Variants in DENND5B observed in about 807,000 individuals in gnomAD.
DENND5B encodes the protein DENN domain containing 5B.
In DENND5B, 34 loss-of-function variants were observed where a neutral mutation model predicts 140.6. That is an observed-to-expected ratio of 0.24 (90% CI 0.18 to 0.32). DENND5B has a LOEUF of 0.32. Among genes scored for constraint, DENND5B ranks in the 10% least tolerant of loss-of-function variants. The probability of loss-of-function intolerance (pLI) is 1.00; values close to 1 mark genes in which losing one functional copy is unlikely to be tolerated. For synonymous variants in DENND5B, 551 were observed against 562.1 expected, an observed-to-expected ratio of 0.98 and a Z score of 0.28; for missense variants, 1,142 against 1,560.2, an observed-to-expected ratio of 0.73 and a Z score of 4.52.
chr12:31,474,923 G>A (rs369587655), intron 3 of DENND5B, among the ~76,000 whole-genome samples: 83 of 152,252 alleles, frequency 5.5e-4, no homozygotes, highest in Admixed American at 1.5e-3. Context: ...CACAGAATGA[G>A]TTAATCATTT....
At chr12:31,550,359 C>T (rs931001773) in intron 1 of DENND5B, among the ~76,000 whole-genome samples, 2 of 151,502 alleles carry the variant, frequency 1.3e-5, no homozygotes, top group African/African-American at 4.9e-5. Context: ...ACGATGGTTT[C>T]CAGTTTCATC....
At chr12:31,582,731 G>A (rs78334165) in intron 1 of DENND5B, among the ~76,000 whole-genome samples, 2,563 of 152,208 alleles carry the variant, frequency 0.017, 73 homozygotes, top group African/African-American at 0.058. Flanking sequence ...CGATAGTGTC[G>A]CCTTTAATAT....
intron 1 of DENND5B, among the ~76,000 whole-genome samples, chr12:31,561,996 T>C (rs16918740): frequency 0.35 from 53,822 of 152,096 alleles, 11,010 homozygotes; most frequent in East Asian, 0.57. Flanking sequence ...TATAAATAAA[T>C]AACAGGTTAC....
At chr12:31,401,579 T>C (rs1941798651) in intron 15 of DENND5B, among the ~76,000 whole-genome samples, 1 of 152,166 alleles carries the variant, frequency 6.6e-6, no homozygotes, top group African/African-American at 2.4e-5. Flanking sequence ...CCCATGGAAC[T>C]ATTTCACCAA....
chr12:31,539,711 G>A (rs766218783), intron 1 of DENND5B, among the ~76,000 whole-genome samples: 36 of 151,832 alleles, frequency 2.4e-4, no homozygotes, highest in Non-Finnish European at 4.3e-4. Context: ...AAAAAAACTT[G>A]GTATAGAAGA....
rs191632499 is a variant in DENND5B at position 31,515,703 on chromosome 12, T to C, written c.128-19784A>G. 5.5e-3 allele frequency among the ~76,000 whole-genome samples: 838 copies of C among 152,320 alleles called. 4 individuals carry two copies. The highest frequency in any genetic ancestry group is 0.02 in the Middle Eastern group (6 of 294). Reference sequence around the variant, plus strand: ...ATTAATCAGTAGAAAAACTGTTACATAGATATGCTTTTTACACTAAGATTA... The same window carrying C: ...ATTAATCAGTAGAAAAACTGTTACACAGATATGCTTTTTACACTAAGATTA... On this transcript the variant is annotated intron_variant, in intron 1 of 20. Coordinates refer to ENST00000389082, the MANE Select transcript of DENND5B (RefSeq NM_144973.4).
intron 3 of DENND5B, among the ~76,000 whole-genome samples, chr12:31,460,754 C>T (rs1944977875): frequency 1.3e-5 from 2 of 152,180 alleles, no homozygotes; most frequent in African/African-American, 4.8e-5. Context: ...GAGATGGAGT[C>T]TCGCTTTGTT....
At chr12:31,511,777 A>G (rs1220281875) in intron 1 of DENND5B, among the ~76,000 whole-genome samples, 3 of 152,070 alleles carry the variant, frequency 2.0e-5, no homozygotes, top group Non-Finnish European at 4.4e-5. Flanking sequence ...TAAAAACTGT[A>G]CTCTTAGGTC....
rs150467552 is a variant in DENND5B at position 31,541,900 on chromosome 12, C to T, written c.128-45981G>A. On this transcript the variant is annotated intron_variant, in intron 1 of 20. Coordinates refer to ENST00000389082, the MANE Select transcript of DENND5B (RefSeq NM_144973.4). ...AATGAGATCCTGTTGTCTGCAACAC[C>T]GTGGATTGAACTGGAAGTCATTATG... Among the ~76,000 whole-genome samples the T allele has an allele frequency of 1.5e-3, 225 of 152,222 alleles. 1 individual carries two copies. Among genetic ancestry groups the T allele is most frequent in the African/African-American group, 4.9e-3 (202 of 41,554 alleles).
At chr12:31,451,859 G>A in intron 5 of DENND5B, 81 bp downstream of exon 5, 1 of 1,479,116 alleles carries the variant, frequency 6.8e-7, no homozygotes, top group Non-Finnish European at 9.1e-7. Context: ...CATAGGCACA[G>A]AAGAATAAAA....
chr12:31,394,641 T>G (rs2137307124), intron 17 of DENND5B, among the ~76,000 whole-genome samples: 1 of 140,982 alleles, frequency 7.1e-6, no homozygotes, highest in Admixed American at 7.5e-5. Flanking sequence ...TGAGACGGAG[T>G]CTCGCTCTGT....
rs190585544 is a variant in DENND5B, at chr12:31,501,496, G to A, written c.128-5577C>T. Among the ~76,000 whole-genome samples, 767 of 152,256 alleles carry A rather than the reference G, an allele frequency of 5.0e-3. 3 individuals are homozygous for A. The highest frequency in any genetic ancestry group is 6.8e-3 in the Non-Finnish European group (464 of 68,014). ...AACTAAAGAAATCTAAATAGAGGCC[G>A]GGCGCAGTGGCTCATGCCCGTAATC... On this transcript the variant is annotated intron_variant, in intron 1 of 20. Coordinates refer to ENST00000389082, the MANE Select transcript of DENND5B (RefSeq NM_144973.4).
intron 17 of DENND5B, among the ~76,000 whole-genome samples, chr12:31,395,607 CAAAACAAA>C (rs1319884611): frequency 2.0e-5 from 3 of 151,412 alleles, no homozygotes; most frequent in Admixed American, 6.6e-5. Flanking sequence ...CAAAACAAAA[CAAAACAAA>C]AAAACAAAAA....
Position 31,590,911 on chromosome 12 carries a change from C to A in DENND5B, c.-79G>T. ...GCGGAGGCTGCCACCACCGCTCCGG[C>A]TGTGGTCTGTGCGCCCGCCCTAGGG... On this transcript the variant is annotated 5_prime_UTR_variant, in exon 1 of 21. Coordinates refer to ENST00000389082, the MANE Select transcript of DENND5B (RefSeq NM_144973.4). The A allele has an allele frequency of 8.7e-7, 1 of 1,154,152 alleles. No homozygotes were observed. The highest frequency in any genetic ancestry group is 4.2e-5 in the South Asian group (1 of 23,782). 71.5% of individuals were successfully genotyped at this position (1,154,152 alleles called of 1,614,324 possible). A position where few individuals can be genotyped will look rare whatever the true frequency, so the allele number is the denominator to read the frequency against.
intron 11 of DENND5B, among the ~76,000 whole-genome samples, chr12:31,415,800 C>T (rs1942706712): frequency 6.6e-6 from 1 of 151,898 alleles, no homozygotes; most frequent in Admixed American, 6.6e-5. Context: ...GTTGCCCAGG[C>T]TGGGCTATAT....
At chr12:31,572,224 CAAAAAAAA>C (rs63584260) in intron 1 of DENND5B, among the ~76,000 whole-genome samples, 13 of 139,068 alleles carry the variant, frequency 9.3e-5, no homozygotes, top group Non-Finnish European at 1.7e-4. Flanking sequence ...AACTCTGTCT[CAAAAAAAA>C]AAAGAAAAAA....
intron 9 of DENND5B, among the ~76,000 whole-genome samples, chr12:31,425,894 T>C (rs1943209242): frequency 6.6e-6 from 1 of 152,200 alleles, no homozygotes; most frequent in African/African-American, 2.4e-5. Flanking sequence ...ACAGCTAAGG[T>C]ATTTTTCCTT....
At chr12:31,554,580 T>C (rs548849614) in intron 1 of DENND5B, among the ~76,000 whole-genome samples, 2 of 152,342 alleles carry the variant, frequency 1.3e-5, no homozygotes, top group African/African-American at 4.8e-5. Flanking sequence ...TGTCGCGTCC[T>C]CTGTATTTCC....
At chr12:31,522,772 AT>A (rs1947946117) in intron 1 of DENND5B, among the ~76,000 whole-genome samples, 1 of 152,176 alleles carries the variant, frequency 6.6e-6, no homozygotes, top group Non-Finnish European at 1.5e-5. Context: ...AACTTACTGC[AT>A]TTGTTCAGTT....
Sources: allele counts gnomAD v4.1 joint callset (sites outside exome capture counted in the v4.1 genomes callset), GRCh38; gene constraint gnomAD v4.1.1; transcripts MANE v1.5; gene names NCBI Gene and HGNC (gene_info 2026-07-23, HGNC 2026-07-21).